The following PAK2 variants were observed in gnomAD, a reference collection of about 807,000 sequenced individuals.
PAK2 encodes p21 (RAC1) activated kinase 2.
A neutral mutation model predicts 65.9 loss-of-function variants in PAK2; 21 were observed. The observed-to-expected ratio is 0.32, with a 90% confidence interval of 0.23 to 0.46. The LOEUF (loss-of-function observed/expected upper bound fraction) is 0.46, where lower values mean the gene tolerates loss of function less well. Among genes scored for constraint, PAK2 ranks in the 20% least tolerant of loss-of-function variants. PAK2 has a pLI of 1.00. For missense variants in PAK2, 324 were observed against 642.6 expected (o/e 0.50, Z 5.36); for synonymous variants, 204 against 219.7 (o/e 0.93, Z 0.63).
intron 10 of PAK2, among the ~76,000 whole-genome samples, chr3:196,813,635 T>TTC (rs1467660957): frequency 6.6e-6 from 1 of 152,038 alleles, no homozygotes; most frequent in Admixed American, 6.6e-5. Flanking sequence ...TTATCCCTAG[T>TTC]TATGGAGAAC....
At chr3:196,822,183 T>G (rs1052005592) in intron 13 of PAK2, among the ~76,000 whole-genome samples, 7 of 152,238 alleles carry the variant, frequency 4.6e-5, no homozygotes, top group Non-Finnish European at 8.8e-5. Flanking sequence ...ATTCATTCAT[T>G]TAGCCAGTAT....
rs572345538 is a variant in PAK2 at position 196,817,823 on chromosome 3, C to T, written c.1054-234C>T. Among the ~76,000 whole-genome samples, 9 of 152,110 alleles carry T rather than the reference C, an allele frequency of 5.9e-5. No homozygotes were observed. The South Asian group carries it at 6.2e-4, about 11-fold the overall frequency. On this transcript the variant is annotated intron_variant, in intron 11 of 14. Coordinates refer to ENST00000327134, the MANE Select transcript of PAK2 (RefSeq NM_002577.4). Reference sequence around the variant, plus strand: ...TCTGAGTAAGATCAGAGGGTAGGAGCGGATCTACTGACTTTTTAAAAAATT... The same window carrying T: ...TCTGAGTAAGATCAGAGGGTAGGAGTGGATCTACTGACTTTTTAAAAAATT...
rs71301221 is a variant in PAK2 at position 196,759,498 on chromosome 3, G to GTTTTT, written c.-22+19376_-22+19380dup. ...GGTATACAGTTAAGTGGTTTTTTTT[G>GTTTTT]TTTTTTTTTTTTTTTTTTTTTTTTT... On this transcript the variant is annotated intron_variant, in intron 1 of 14. Transcript: ENST00000327134. 2.0e-3 allele frequency among the ~76,000 whole-genome samples: 213 copies of GTTTTT among 108,068 alleles called. 19 individuals carry two copies. The highest frequency in any genetic ancestry group is 2.4e-3 in the Non-Finnish European group (132 of 55,366). The allele number at this position is 108,068 out of a possible 152,430, so 70.9% of individuals were successfully genotyped here.
chr3:196,779,861 G>A (rs572239807), intron 1 of PAK2, among the ~76,000 whole-genome samples: 85 of 152,320 alleles, frequency 5.6e-4, no homozygotes, highest in Admixed American at 1.2e-3. Context: ...CGTAGAGACA[G>A]GGTTTTACCA....
chr3:196,789,316 TC>T (rs1487144418), intron 2 of PAK2, among the ~76,000 whole-genome samples: 15 of 152,304 alleles, frequency 9.8e-5, no homozygotes, highest in African/African-American at 3.4e-4. Context: ...CACCTTCACT[TC>T]TGGTTGGTTA....
chr3:196,790,339 C>G (rs536141822), intron 2 of PAK2, among the ~76,000 whole-genome samples: 1 of 152,138 alleles, frequency 6.6e-6, no homozygotes, highest in Non-Finnish European at 1.5e-5. Flanking sequence ...AAGGTTGCTG[C>G]CTGCCTGCTG....
chr3:196,802,433 C>T (rs970654242), intron 3 of PAK2, among the ~76,000 whole-genome samples: 9 of 151,984 alleles, frequency 5.9e-5, no homozygotes, highest in East Asian at 1.9e-4. Context: ...TCTATCTATA[C>T]GTTAACTATG....
intron 4 of PAK2, 123 bp from the exon 5 acceptor site, chr3:196,805,227 CAA>C: frequency 5.0e-6 from 3 of 594,434 alleles, no homozygotes; most frequent in East Asian, 3.2e-5. Flanking sequence ...TCATTTTTCT[CAA>C]GAGTTAATTC....
chr3:196,826,013 G>GT (rs55829279), intron 13 of PAK2, among the ~76,000 whole-genome samples: 25 of 150,036 alleles, frequency 1.7e-4, no homozygotes, highest in Admixed American at 3.3e-4. Context: ...CCAGCTAATT[G>GT]TTTTTTTTTT....
intron 10 of PAK2, among the ~76,000 whole-genome samples, 184 bp downstream of exon 10, chr3:196,813,035 A>G (rs1002020691): frequency 6.6e-6 from 1 of 152,126 alleles, no homozygotes; most frequent in African/African-American, 2.4e-5. Context: ...CAAGGACATC[A>G]CTTGGCAGGT....
At chr3:196,790,843 C>T (rs139141026) in intron 2 of PAK2, among the ~76,000 whole-genome samples, 1 of 152,200 alleles carries the variant, frequency 6.6e-6, no homozygotes, top group Non-Finnish European at 1.5e-5. Context: ...GTCGCCCCCA[C>T]CCTGGAGAGG....
chr3:196,762,605 A>G (rs1714019049), intron 1 of PAK2, among the ~76,000 whole-genome samples: 1 of 149,960 alleles, frequency 6.7e-6, no homozygotes, highest in African/African-American at 2.4e-5. Flanking sequence ...AGAATCAGAC[A>G]GGGAGGTTGC....
chr3:196,815,041 G>A (rs140985588), intron 11 of PAK2, among the ~76,000 whole-genome samples: 95 of 151,678 alleles, frequency 6.3e-4, no homozygotes, highest in African/African-American at 1.9e-3. Flanking sequence ...TTAGCCGGGC[G>A]TGTTGGCAGG....
chr3:196,781,804 C>T (rs374684187), intron 1 of PAK2, among the ~76,000 whole-genome samples: 57 of 152,030 alleles, frequency 3.7e-4, no homozygotes, highest in African/African-American at 1.1e-3. Context: ...CTCATCTCTA[C>T]GAAAAATACA....
intron 1 of PAK2, among the ~76,000 whole-genome samples, chr3:196,765,514 T>C (rs1039201133): frequency 6.6e-6 from 1 of 152,018 alleles, no homozygotes; most frequent in Admixed American, 6.6e-5. Flanking sequence ...GAATTCTCTT[T>C]GTGCCATATT....
Position 196,832,539 on chromosome 3 carries a change from A to G in PAK2, c.*4134A>G, listed in dbSNP as rs951476513. On this transcript the variant is annotated 3_prime_UTR_variant, in exon 15 of 15. Transcript: ENST00000327134. ...TTTTATTCTTTCTTTTGATCAGCGT[A>G]AAAGAATATTTTAATGTCTTTTGAT... 3 of 152,108 alleles carry G rather than the reference A, an allele frequency of 2.0e-5. No individual in the cohort carries two copies. Among genetic ancestry groups the G allele is most frequent in the African/African-American group, 7.2e-5 (3 of 41,432 alleles). 9.4% of individuals were successfully genotyped at this position (152,108 alleles called of 1,614,324 possible).
At chr3:196,816,387 T>C (rs985305547) in intron 11 of PAK2, among the ~76,000 whole-genome samples, 1 of 152,188 alleles carries the variant, frequency 6.6e-6, no homozygotes, top group Non-Finnish European at 1.5e-5. Context: ...TGATAGTCCT[T>C]AACAATGCAT....
intron 13 of PAK2, among the ~76,000 whole-genome samples, chr3:196,825,517 C>T (rs1445324349): frequency 1.3e-5 from 2 of 151,956 alleles, no homozygotes; most frequent in East Asian, 3.9e-4. Context: ...TTGGCGGGCG[C>T]CTATAATCCC....
At chr3:196,754,493 C>T (rs1713706945) in intron 1 of PAK2, among the ~76,000 whole-genome samples, 1 of 152,138 alleles carries the variant, frequency 6.6e-6, no homozygotes, top group Non-Finnish European at 1.5e-5. Context: ...AGACATTCCT[C>T]TTCATATGGT....
Sources: gnomAD v4.1 joint callset for allele counts (sites outside exome capture counted in the v4.1 genomes callset) on GRCh38, gnomAD v4.1.1 for gene constraint, MANE v1.5 for transcripts, NCBI Gene and HGNC (gene_info 2026-07-23, HGNC 2026-07-21) for gene names.